FRMPD4: variants seen among roughly 807,000 people sequenced by gnomAD.
The protein encoded by FRMPD4 is FERM and PDZ domain-containing protein 4.
FRMPD4 carries 22 observed loss-of-function variants against 94.1 expected under a neutral mutation model. The ratio of observed to expected loss-of-function variants is 0.23; its 90% confidence interval spans 0.17 to 0.33. FRMPD4 has a LOEUF of 0.33. Ranked by LOEUF, FRMPD4 falls within the 10% of genes least tolerant of loss-of-function variation. FRMPD4 has a pLI of 1.00. For missense variants in FRMPD4, 1,111 were observed against 1,339.9 expected, an observed-to-expected ratio of 0.83 and a Z score of 2.67; for synonymous variants, 631 against 548.6, an observed-to-expected ratio of 1.15 and a Z score of -2.10.
intron 1 of FRMPD4, among the ~76,000 whole-genome samples, chrX:12,240,358 C>T (rs1403269069): frequency 2.7e-5 from 3 of 112,205 alleles, no homozygotes; most frequent in Non-Finnish European, 5.6e-5. Flanking sequence ...GGCTGGAACT[C>T]AAGCATGTAT....
chrX:12,063,955 C>T (rs757307971), intron 3 of FRMPD4, among the ~76,000 whole-genome samples: 1 of 112,511 alleles, frequency 8.9e-6, no homozygotes, highest in South Asian at 3.6e-4. Flanking sequence ...TTGATAAAGA[C>T]ATCTAAATTC....
intron 3 of FRMPD4, among the ~76,000 whole-genome samples, chrX:11,902,452 T>G (rs758966876): frequency 1.8e-5 from 2 of 111,282 alleles, no homozygotes; most frequent in Non-Finnish European, 3.8e-5. Flanking sequence ...AACGAGAGAG[T>G]GAGAACCCAA....
intron 1 of FRMPD4, among the ~76,000 whole-genome samples, chrX:12,259,232 C>T (rs1436239367): frequency 9.0e-6 from 1 of 111,654 alleles, no homozygotes; most frequent in Non-Finnish European, 1.9e-5. Flanking sequence ...TGCGTCCATT[C>T]TAGCCATCCA....
intron 1 of FRMPD4, among the ~76,000 whole-genome samples, chrX:12,384,189 T>G (rs1254661820): frequency 9.0e-6 from 1 of 111,692 alleles, no homozygotes; most frequent in Non-Finnish European, 1.9e-5. Flanking sequence ...GAATTTGACC[T>G]CGAACTAATA....
At chrX:12,021,517 A>C (rs2054632211) in intron 3 of FRMPD4, among the ~76,000 whole-genome samples, 1 of 112,152 alleles carries the variant, frequency 8.9e-6, no homozygotes, top group Non-Finnish European at 1.9e-5. Flanking sequence ...CATAACAGTA[A>C]TTTAAAAATT....
chrX:12,464,136 A>G (rs916271751), intron 1 of FRMPD4, among the ~76,000 whole-genome samples: 1 of 111,706 alleles, frequency 9.0e-6, no homozygotes, highest in Non-Finnish European at 1.9e-5. Context: ...CTTCTGAAGG[A>G]TGAAGCTGAA....
chrX:12,348,836 G>A (rs1272267527), intron 1 of FRMPD4, among the ~76,000 whole-genome samples: 1 of 111,640 alleles, frequency 9.0e-6, no homozygotes, highest in African/African-American at 3.3e-5. Context: ...ATAAAGTAAT[G>A]GGAAACAGCA....
intron 3 of FRMPD4, among the ~76,000 whole-genome samples, chrX:12,100,343 G>C (rs2055245002): frequency 8.9e-6 from 1 of 111,793 alleles, no homozygotes; most frequent in African/African-American, 3.2e-5. Flanking sequence ...TCTCACAACA[G>C]CCTAGGTAGG....
At chrX:12,137,025 C>T (rs1380303000), upstream of FRMPD4, among the ~76,000 whole-genome samples, 4 of 110,211 alleles carry the variant, frequency 3.6e-5, no homozygotes, top group Middle Eastern at 4.7e-3. Flanking sequence ...GAAAAGGTTG[C>T]GATGAGACTC....
chrX:12,658,197 G>C (rs2059678063), intron 4 of FRMPD4, among the ~76,000 whole-genome samples: 1 of 111,997 alleles, frequency 8.9e-6, no homozygotes, highest in African/African-American at 3.2e-5. Flanking sequence ...TCAGCCTCTA[G>C]TACTGACACA....
At chrX:12,386,174 G>A (rs966478299) in intron 1 of FRMPD4, among the ~76,000 whole-genome samples, 1 of 112,466 alleles carries the variant, frequency 8.9e-6, no homozygotes, top group African/African-American at 3.2e-5. Context: ...GGTGTTCAGA[G>A]TTAAATCTCA....
At position 12,716,365 on chromosome X, in the gene FRMPD4, C is replaced by T; in HGVS notation, c.1906C>T (p.Pro636Ser). 6 of 1,211,528 alleles carry T rather than the reference C, an allele frequency of 5.0e-6. No individual in the cohort carries two copies. The highest frequency in any genetic ancestry group is 6.7e-6 in the Non-Finnish European group (6 of 895,217). The change falls in exon 15 of 17, where the codon CCA becomes TCA. Residue 636 changes from proline (P) to serine (S), a missense_variant. Physicochemically the swap from Pro to Ser is moderately conservative, Grantham distance 74. Coordinates refer to ENST00000675598, the MANE Select transcript of FRMPD4 (RefSeq NM_001368397.1). ...GCGGTCCCTATTGACCCTCTCAGGACCAGAAACTCTGAAGAAAGCACAGGA... is the reference window on the plus strand; with the variant it reads ...GCGGTCCCTATTGACCCTCTCAGGATCAGAAACTCTGAAGAAAGCACAGGA... Reference protein sequence around the residue: ...AQRSLLTLSGPETLKKAQESP... With the variant: ...AQRSLLTLSGSETLKKAQESP...
At chrX:11,957,923 G>T (rs1227921079) in intron 3 of FRMPD4, among the ~76,000 whole-genome samples, 13 of 111,829 alleles carry the variant, frequency 1.2e-4, no homozygotes, top group Non-Finnish European at 2.4e-4. Flanking sequence ...ATTTCTCCTG[G>T]CCTTGGGATA....
intron 2 of FRMPD4, among the ~76,000 whole-genome samples, chrX:12,585,689 T>C (rs2058921157): frequency 8.9e-6 from 1 of 111,948 alleles, no homozygotes; most frequent in African/African-American, 3.3e-5. Flanking sequence ...CAAAAGTCAC[T>C]CTGGACTTGC....
At chrX:12,288,094 T>C (rs2054627652) in intron 1 of FRMPD4, among the ~76,000 whole-genome samples, 2 of 112,046 alleles carry the variant, frequency 1.8e-5, no homozygotes, top group South Asian at 7.5e-4. Context: ...TAATCTTCCC[T>C]TTACTTCTCT....
intron 3 of FRMPD4, among the ~76,000 whole-genome samples, chrX:12,082,820 CT>C (rs761070800): frequency 3.6e-5 from 4 of 111,747 alleles, no homozygotes; most frequent in Non-Finnish European, 7.5e-5. Context: ...CATTTTCCCC[CT>C]GCCCTAGAGA....
intron 3 of FRMPD4, among the ~76,000 whole-genome samples, chrX:11,957,051 C>T (rs766570667): frequency 2.7e-5 from 3 of 112,137 alleles, no homozygotes; most frequent in South Asian, 3.7e-4. Flanking sequence ...TAGGTTTTAG[C>T]GAGTCATGGG....
At chrX:12,535,916 A>G (rs1000634800) in intron 2 of FRMPD4, among the ~76,000 whole-genome samples, 19 of 110,667 alleles carry the variant, frequency 1.7e-4, no homozygotes, top group African/African-American at 6.2e-4. Flanking sequence ...GATGTAGCTC[A>G]TTGCCTGGTA....
chrX:12,520,534 C>T (rs1343901839), intron 2 of FRMPD4, among the ~76,000 whole-genome samples: 3 of 111,130 alleles, frequency 2.7e-5, no homozygotes, highest in South Asian at 3.8e-4. Context: ...AAAAAAAATA[C>T]ACAAAGTGCA....
Sources: gnomAD v4.1 joint callset for allele counts (sites outside exome capture counted in the v4.1 genomes callset) on GRCh38, gnomAD v4.1.1 for gene constraint, MANE v1.5 for transcripts, NCBI Gene and HGNC (gene_info 2026-07-23, HGNC 2026-07-21) for gene names.